FBN1: variants seen among roughly 807,000 people sequenced by gnomAD.
FBN1 encodes fibrillin 1.
FBN1 carries 29 observed loss-of-function variants against 365.1 expected under a neutral mutation model. That is an observed-to-expected ratio of 0.08 (90% confidence interval 0.06 to 0.11). FBN1 has a LOEUF of 0.11. Ranked by LOEUF, FBN1 falls within the 10% of genes least tolerant of loss-of-function variation. The probability of loss-of-function intolerance (pLI) is 1.00; values close to 1 mark genes in which losing one functional copy is unlikely to be tolerated. For synonymous variants in FBN1, 1,210 were observed against 1,270.5 expected (o/e 0.95, Z 1.01); for missense variants, 2,476 against 3,703.2 (o/e 0.67, Z 8.60).
At chr15:48,590,663 CT>C (rs1326517336) in intron 6 of FBN1, among the ~76,000 whole-genome samples, 4 of 152,164 alleles carry the variant, frequency 2.6e-5, no homozygotes, top group Admixed American at 2.6e-4. Flanking sequence ...ATACAAAAAC[CT>C]TTTCAGCTTC....
In FBN1 at chr15:48,477,548, T is replaced by C. The variant is rs762085327; in HGVS notation, c.3965-2898A>G. Among the ~76,000 whole-genome samples, 12 of 152,302 alleles carry C rather than the reference T, an allele frequency of 7.9e-5. No individual in the cohort carries two copies. In the South Asian group the frequency reaches 1.5e-3, roughly 18 times the overall value. ...TGTGTGTGCATGCATGCACCAACTA[T>C]CATTCATTAATTGTTTCTGTGGCAG... On this transcript the variant is annotated intron_variant, in intron 32 of 65. Transcript: ENST00000316623.
intron 54 of FBN1, among the ~76,000 whole-genome samples, chr15:48,433,221 T>C (rs953549809): frequency 6.6e-6 from 1 of 152,212 alleles, no homozygotes; most frequent in Non-Finnish European, 1.5e-5. Flanking sequence ...AGTCCCAGTT[T>C]ATGTTTGTTG....
intron 6 of FBN1, among the ~76,000 whole-genome samples, chr15:48,552,625 A>G (rs2044152525): frequency 1.3e-5 from 2 of 152,092 alleles, no homozygotes; most frequent in African/African-American, 4.8e-5. Context: ...CTCCAAATTC[A>G]TTCCTGACAT....
At chr15:48,449,411 T>C (rs1055867538) in intron 45 of FBN1, among the ~76,000 whole-genome samples, 12 of 152,212 alleles carry the variant, frequency 7.9e-5, no homozygotes, top group African/African-American at 2.9e-4. Flanking sequence ...TAACTTTTTG[T>C]TCCATCTTCA....
At chr15:48,427,059 TAG>T (rs1388696790) in intron 58 of FBN1, among the ~76,000 whole-genome samples, 1 of 152,198 alleles carries the variant, frequency 6.6e-6, no homozygotes, top group Non-Finnish European at 1.5e-5. Context: ...TAGATATCTC[TAG>T]AGTTGCCTTA....
Position 48,513,541 on chromosome 15 carries a change from G to C in FBN1, c.1588+8C>G, listed in dbSNP as rs779541595. 1 of 1,613,932 alleles carries C rather than the reference G, an allele frequency of 6.2e-7. No individual in the cohort carries two copies. Among genetic ancestry groups the C allele is most frequent in the Non-Finnish European group, 8.5e-7 (1 of 1,179,878 alleles). On this transcript the variant is annotated splice_region_variant and intron_variant, in intron 13 of 65. Transcript: ENST00000316623. ...TCCCACATTCCACGTCAGGAGCCAG[G>C]ACCATACCTCGGCATTCTGTCCGCG...
intron 34 of FBN1, among the ~76,000 whole-genome samples, 189 bp downstream of exon 34, chr15:48,474,066 G>A (rs1275489041): frequency 6.6e-6 from 1 of 151,898 alleles, no homozygotes; most frequent in Non-Finnish European, 1.5e-5. Context: ...TCTACCTATC[G>A]AGAAGCTTTT....
At chr15:48,503,663 C>A (rs376500033) in intron 17 of FBN1, 124 bp downstream of exon 17, 1 of 1,300,922 alleles carries the variant, frequency 7.7e-7, no homozygotes, top group East Asian at 2.3e-5. Flanking sequence ...TGCCAAGACC[C>A]CAAGAAGGCA....
intron 17 of FBN1, among the ~76,000 whole-genome samples, chr15:48,500,259 A>C (rs1304974085): frequency 1.3e-5 from 2 of 152,222 alleles, no homozygotes. Flanking sequence ...CAGTTTTATA[A>C]AAAGGACTTT....
intron 6 of FBN1, among the ~76,000 whole-genome samples, chr15:48,558,509 AGCTGTTTTG>A (rs1440296002): frequency 6.6e-6 from 1 of 152,216 alleles, no homozygotes; most frequent in African/African-American, 2.4e-5. Context: ...TTTTTGTTAA[AGCTGTTTTG>A]GCTGTTTTGG....
chr15:48,557,590 C>T lies in FBN1; in HGVS notation c.539-19782G>A, dbSNP rs1376251095. On this transcript the variant is annotated intron_variant, in intron 6 of 65. Transcript: ENST00000316623. ...GCCAGGATTCTGTCAGTACAACGGG[C>T]GTGTCAGCGACAAAGTTGAGTGAAT... Among the ~76,000 whole-genome samples, 4 of 152,182 alleles carry T rather than the reference C, an allele frequency of 2.6e-5. No homozygotes were observed. The South Asian group carries it at 6.2e-4, about 24-fold the overall frequency.
At chr15:48,428,585 T>C (rs2043000932) in intron 56 of FBN1, 114 bp from the exon 57 acceptor site, 1 of 1,189,410 alleles carries the variant, frequency 8.4e-7, no homozygotes, top group Admixed American at 1.8e-5. Flanking sequence ...CCTCCCTTTG[T>C]TCCTTTCTCC....
At chr15:48,470,255 T>C (rs2043360219) in intron 36 of FBN1, among the ~76,000 whole-genome samples, 1 of 151,954 alleles carries the variant, frequency 6.6e-6, no homozygotes, top group South Asian at 2.1e-4. Context: ...GGGGTGGGTA[T>C]TGCAACAACG....
chr15:48,617,962 A>G (rs546129141), intron 2 of FBN1, among the ~76,000 whole-genome samples: 2 of 152,188 alleles, frequency 1.3e-5, no homozygotes, highest in Non-Finnish European at 2.9e-5. Context: ...CTCTTATTTC[A>G]TATATGTTAG....
At chr15:48,574,010 G>A (rs892241097) in intron 6 of FBN1, among the ~76,000 whole-genome samples, 1 of 152,216 alleles carries the variant, frequency 6.6e-6, no homozygotes, top group African/African-American at 2.4e-5. Context: ...GACCGCACGG[G>A]TCCTGTTCTC....
intron 6 of FBN1, among the ~76,000 whole-genome samples, chr15:48,569,865 T>C (rs942100335): frequency 4.6e-5 from 7 of 152,122 alleles, no homozygotes; most frequent in African/African-American, 1.7e-4. Flanking sequence ...TGAAACTAGA[T>C]TGTGGTAATG....
chr15:48,425,774 C>G lies in FBN1; in HGVS notation c.7295G>C (p.Gly2432Ala), dbSNP rs1266993955. The change falls in exon 59 of 66, where the codon GGG becomes GCG. Residue 2432 changes from glycine to alanine, a missense_variant. Around this residue, in one of 5 missense-constraint regions of FBN1, gnomAD observed 1,780 missense variants for 2,840.8 expected, o/e 0.63. Transcript: ENST00000316623. The stretch of plus-strand genomic sequence containing the variant: ...AGTCCCAGTTATATCTGGAGTGTAC[C>G]CAGTTTTACAAATGCAATGATATGA... ...RGSYHCICKT[G>A]YTPDITGTSC... is the part of the protein sequence containing the mutation. The G allele has an allele frequency of 1.2e-6, 2 of 1,613,410 alleles. No individual in the cohort carries two copies. The highest frequency in any genetic ancestry group is 1.7e-5 in the Admixed American group (1 of 59,990).
chr15:48,566,993 T>C (rs1428375205), intron 6 of FBN1, among the ~76,000 whole-genome samples: 1 of 152,202 alleles, frequency 6.6e-6, no homozygotes, highest in Non-Finnish European at 1.5e-5. Flanking sequence ...TTGATGGAAA[T>C]GCAGAGACTC....
intron 58 of FBN1, among the ~76,000 whole-genome samples, chr15:48,427,224 G>C (rs1465371902): frequency 6.6e-6 from 1 of 152,126 alleles, no homozygotes; most frequent in Non-Finnish European, 1.5e-5. Flanking sequence ...TTGGTGGACT[G>C]GTTTGCACAT....
Sources: gnomAD v4.1 joint callset for allele counts (sites outside exome capture counted in the v4.1 genomes callset) on GRCh38, gnomAD v4.1.1 for gene constraint, gnomAD v4.1.1 regional missense constraint, MANE v1.5 for transcripts, NCBI Gene and HGNC (gene_info 2026-07-23, HGNC 2026-07-21) for gene names.